Variants in GPBP1 observed in about 807,000 individuals in gnomAD.
GPBP1 encodes vasculin.
In GPBP1, 13 loss-of-function variants were observed where a neutral mutation model predicts 56.5. That is an observed-to-expected ratio of 0.23 (90% CI 0.15 to 0.37). GPBP1 has a LOEUF of 0.37. GPBP1 is among the 10% of genes least tolerant of loss of function. The probability of loss-of-function intolerance (pLI) is 1.00; values close to 1 mark genes in which losing one functional copy is unlikely to be tolerated. For synonymous variants in GPBP1, 204 were observed against 188.9 expected, an observed-to-expected ratio of 1.08 and a Z score of -0.66; for missense variants, 477 against 572.3, an observed-to-expected ratio of 0.83 and a Z score of 1.70.
intron 5 of GPBP1, among the ~76,000 whole-genome samples, chr5:57,232,749 T>C (rs1402167030): frequency 6.6e-6 from 1 of 152,194 alleles, no homozygotes. Flanking sequence ...TGTACTCTCA[T>C]GGCAAAACTG....
intron 2 of GPBP1, among the ~76,000 whole-genome samples, chr5:57,210,275 G>T (rs831655): frequency 0.33 from 50,692 of 151,992 alleles, 9,565 homozygotes; most frequent in Non-Finnish European, 0.43. Flanking sequence ...TTCTCCCGGG[G>T]AAATTTTTAT....
chr5:57,249,797 C>T (rs1474514489), intron 9 of GPBP1, among the ~76,000 whole-genome samples: 5 of 59,634 alleles, frequency 8.4e-5, no homozygotes, highest in Non-Finnish European at 1.3e-4. Flanking sequence ...CTTCCCCCCT[C>T]CCCGTCCTTC....
chr5:57,222,826 G>A (rs1460691643), intron 3 of GPBP1, among the ~76,000 whole-genome samples: 1 of 152,076 alleles, frequency 6.6e-6, no homozygotes, highest in Non-Finnish European at 1.5e-5. Flanking sequence ...GGGGAGGGGG[G>A]CAGGTTTTCA....
chr5:57,260,237 A>G (rs563707386), intron 10 of GPBP1, among the ~76,000 whole-genome samples: 1 of 152,224 alleles, frequency 6.6e-6, no homozygotes, highest in African/African-American at 2.4e-5. Context: ...GGGCACTAAC[A>G]AGATTAATTT....
intron 10 of GPBP1, among the ~76,000 whole-genome samples, chr5:57,255,632 A>C (rs1053036748): frequency 2.6e-5 from 4 of 152,366 alleles, no homozygotes; most frequent in African/African-American, 9.6e-5. Flanking sequence ...TAACTCCTAG[A>C]ATCTATTCAT....
intron 2 of GPBP1, among the ~76,000 whole-genome samples, chr5:57,185,646 T>C (rs1451960253): frequency 6.6e-6 from 1 of 152,102 alleles, no homozygotes; most frequent in Admixed American, 6.6e-5. Flanking sequence ...TCCCTAATAA[T>C]GATAGCATCT....
chr5:57,205,966 T>G (rs900705796), intron 2 of GPBP1, among the ~76,000 whole-genome samples: 3 of 152,212 alleles, frequency 2.0e-5, no homozygotes, highest in Middle Eastern at 3.4e-3. Context: ...AGGGACTCAC[T>G]GTGTTGCCCA....
At chr5:57,181,664 C>T (rs1333858083) in intron 2 of GPBP1, among the ~76,000 whole-genome samples, 1 of 152,096 alleles carries the variant, frequency 6.6e-6, no homozygotes, top group Non-Finnish European at 1.5e-5. Context: ...CTCAGGTGTT[C>T]TACCCACCTC....
chr5:57,236,948 G>A (rs1183366215), intron 6 of GPBP1: 1 of 606,666 alleles, frequency 1.6e-6, no homozygotes, highest in Non-Finnish European at 2.9e-6. Context: ...TATATTGTAT[G>A]TATGAGGTGA....
intron 10 of GPBP1, among the ~76,000 whole-genome samples, chr5:57,253,079 T>C (rs1213686647): frequency 6.6e-6 from 1 of 152,212 alleles, no homozygotes; most frequent in Non-Finnish European, 1.5e-5. Context: ...AATAGTGATC[T>C]CTTAAGTGGT....
chr5:57,259,838 C>G (rs1420546911), intron 10 of GPBP1, among the ~76,000 whole-genome samples: 4 of 151,644 alleles, frequency 2.6e-5, no homozygotes, highest in Admixed American at 2.0e-4. Flanking sequence ...CTTTCCTTCT[C>G]AAAACACTCT....
At chr5:57,221,861 A>G (rs953618032) in intron 3 of GPBP1, among the ~76,000 whole-genome samples, 4 of 152,218 alleles carry the variant, frequency 2.6e-5, no homozygotes, top group African/African-American at 9.6e-5. Context: ...AGTCGAGTTC[A>G]TTGAAACTTT....
At position 57,236,142 on chromosome 5, in the gene GPBP1, A is replaced by G. The variant is rs1368317519; in HGVS notation, c.478+110A>G. 5 of 709,342 alleles carry G rather than the reference A, an allele frequency of 7.0e-6. No homozygotes were observed. The Admixed American group carries it at 1.4e-4, about 19-fold the overall frequency. The allele number at this position is 709,342 out of a possible 1,614,324, so 43.9% of individuals were successfully genotyped here. A position where few individuals can be genotyped will look rare whatever the true frequency, so the allele number is the denominator to read the frequency against. On this transcript the variant is annotated intron_variant, in intron 6 of 11. Transcript: ENST00000506184. ...CAGGCTAGAATAAAACTTTCTTTTTAAAGTATTTGTATTTGATGTGCTTAG... is the reference window on the plus strand; with the variant it reads ...CAGGCTAGAATAAAACTTTCTTTTTGAAGTATTTGTATTTGATGTGCTTAG...
chr5:57,224,252 T>G (rs1756080616), intron 3 of GPBP1, among the ~76,000 whole-genome samples: 1 of 151,892 alleles, frequency 6.6e-6, no homozygotes. Context: ...TCCTCTTTTT[T>G]TTTTTTTTTG....
chr5:57,261,570 A>G (rs1741894502), intron 11 of GPBP1, among the ~76,000 whole-genome samples: 1 of 152,126 alleles, frequency 6.6e-6, no homozygotes, highest in African/African-American at 2.4e-5. Context: ...TGCAATAGTG[A>G]CTTATTTAAA....
intron 2 of GPBP1, among the ~76,000 whole-genome samples, chr5:57,212,225 G>A (rs923154517): frequency 1.3e-5 from 2 of 152,020 alleles, no homozygotes; most frequent in African/African-American, 4.8e-5. Context: ...GCCCATTTTT[G>A]GTTAAGTTCT....
At position 57,214,145 on chromosome 5, in the gene GPBP1, C is replaced by T; in HGVS notation, c.15C>T (p.Asp5=). Residue 5 remains aspartate (D), a synonymous_variant, in exon 3 of 12, where the codon GAC becomes GAT. Coordinates refer to ENST00000506184, the MANE Select transcript of GPBP1 (RefSeq NM_022913.4). MAQH[D]FAPAWLNFPT... is the part of the protein sequence containing the mutation. ...ACTGGACCTAAATGGCGCAGCATGA[C>T]TTTGCTCCAGCCTGGCTTAATTTCC... is the stretch of plus-strand genomic sequence containing the variant. 1.2e-6 allele frequency: 2 copies of T among 1,613,980 alleles called. No individual in the cohort carries two copies. Among genetic ancestry groups the T allele is most frequent in the Non-Finnish European group, 1.7e-6 (2 of 1,179,850 alleles).
chr5:57,216,511 C>G (rs556251475), intron 3 of GPBP1, among the ~76,000 whole-genome samples: 1 of 152,262 alleles, frequency 6.6e-6, no homozygotes, highest in Non-Finnish European at 1.5e-5. Context: ...CACTTGAGGT[C>G]AAGAATTCGA....
At chr5:57,206,193 T>A (rs1336720031) in intron 2 of GPBP1, among the ~76,000 whole-genome samples, 1 of 152,200 alleles carries the variant, frequency 6.6e-6, no homozygotes, top group African/African-American at 2.4e-5. Flanking sequence ...TCTTTTTACT[T>A]TATAGATAAT....
Sources: gnomAD v4.1 joint callset for allele counts (sites outside exome capture counted in the v4.1 genomes callset) on GRCh38, gnomAD v4.1.1 for gene constraint, MANE v1.5 for transcripts, NCBI Gene and HGNC (gene_info 2026-07-23, HGNC 2026-07-21) for gene names.